Variants in ARHGAP23 observed in about 807,000 individuals in gnomAD.
The protein encoded by ARHGAP23 is Rho GTPase activating protein 23, also known as rho GTPase-activating protein 23.
A neutral mutation model predicts 136.3 loss-of-function variants in ARHGAP23; 34 were observed. That is an observed-to-expected ratio of 0.25 (90% CI 0.19 to 0.33). The LOEUF (loss-of-function observed/expected upper bound fraction) is 0.33, where lower values mean the gene tolerates loss of function less well. ARHGAP23 is among the 10% of genes least tolerant of loss of function. The pLI is 1.00. For missense variants in ARHGAP23, 1,808 were observed against 2,139.0 expected (o/e 0.85, Z 3.05); for synonymous variants, 832 against 920.5 (o/e 0.90, Z 1.74).
In ARHGAP23 at chr17:38,510,921, G is replaced by C. The variant is rs2040751087; in HGVS notation, c.4425G>C (p.Gln1475His). 3 of 1,484,190 alleles carry C rather than the reference G, an allele frequency of 2.0e-6. No individual in the cohort carries two copies. Among genetic ancestry groups the C allele is most frequent in the Non-Finnish European group, 2.7e-6 (3 of 1,127,504 alleles). The allele number at this position is 1,484,190 out of a possible 1,614,324, so 91.9% of individuals were successfully genotyped here. A position where few individuals can be genotyped will look rare whatever the true frequency, so the allele number is the denominator to read the frequency against. The change falls in exon 24 of 24, where the codon CAG becomes CAC. Residue 1475 changes from glutamine to histidine, a missense_variant. This residue lies in a region of ARHGAP23 where 506 missense variants were observed against 455.8 expected (regional missense o/e 1.11). Transcript: ENST00000622683. This position sits in a 1 kb window ranked among gnomAD's most constrained non-coding sequence, Gnocchi z 4.6. ...PPAPGDTGSL[Q>H]SQPPRRSAAS... ...CGCCCGGGGACACGGGGTCCCTGCA[G>C]AGCCAGCCCCCGCGCCGCTCGGCCG...
At chr17:38,454,742 G>T (rs1248886846) in intron 1 of ARHGAP23, among the ~76,000 whole-genome samples, 1 of 152,158 alleles carries the variant, frequency 6.6e-6, no homozygotes, top group Non-Finnish European at 1.5e-5. Context: ...GCCATGCCCG[G>T]CCTGAACACT....
chr17:38,479,625 G>A, intron 13 of ARHGAP23, 128 bp downstream of exon 13: 1 of 1,421,084 alleles, frequency 7.0e-7, no homozygotes, highest in Non-Finnish European at 9.6e-7. Context: ...GGGTCTCCAG[G>A]CTGCAGTTAG....
In ARHGAP23 at chr17:38,453,278, A is replaced by G. The variant is rs569989026; in HGVS notation, c.64-4824A>G. Among the ~76,000 whole-genome samples, 4 of 151,786 alleles carry G rather than the reference A, an allele frequency of 2.6e-5. No homozygotes were observed. The South Asian group carries it at 8.3e-4, about 32-fold the overall frequency. On this transcript the variant is annotated intron_variant, in intron 1 of 23. Transcript: ENST00000622683. ...TAGTGTGTTTCTGGGGTATGTCCAC[A>G]TAGGGTGAGTGTGTGTGGGCAGGTG...
intron 20 of ARHGAP23, among the ~76,000 whole-genome samples, chr17:38,494,030 G>A (rs1225317036): frequency 6.7e-6 from 1 of 148,340 alleles, no homozygotes; most frequent in East Asian, 2.1e-4. Context: ...TGTTCTGTGT[G>A]TTACAGGACA....
At chr17:38,444,401 T>TTG (rs1247758614) in intron 1 of ARHGAP23, among the ~76,000 whole-genome samples, 13 of 152,178 alleles carry the variant, frequency 8.5e-5, no homozygotes, top group South Asian at 2.1e-4. Context: ...GGGCACACCC[T>TTG]TGTGTGTATG....
At position 38,479,640 on chromosome 17, in the gene ARHGAP23, G is replaced by A; in HGVS notation, c.2499-113G>A. 5 of 1,415,448 alleles carry A rather than the reference G, an allele frequency of 3.5e-6. No individual in the cohort carries two copies. The South Asian group carries it at 4.1e-5, about 12-fold the overall frequency. The allele number at this position is 1,415,448 out of a possible 1,614,324, so 87.7% of individuals were successfully genotyped here. On this transcript the variant is annotated intron_variant, in intron 13 of 23. Coordinates refer to ENST00000622683, the MANE Select transcript of ARHGAP23 (RefSeq NM_001199417.2). ...GGGTCTCCAGGCTGCAGTTAGGCAT[G>A]GAGGCATTGCCTCAGGGTGGAGGGG... is the stretch of plus-strand genomic sequence containing the variant.
intron 1 of ARHGAP23, among the ~76,000 whole-genome samples, chr17:38,456,185 C>T (rs939797799): frequency 1.5e-4 from 23 of 152,180 alleles, no homozygotes; most frequent in African/African-American, 5.3e-4. Flanking sequence ...GTCTCTGTCA[C>T]ATTTTTCTTT....
chr17:38,422,188 A>G (rs2038526485), intron 1 of ARHGAP23, among the ~76,000 whole-genome samples: 1 of 152,202 alleles, frequency 6.6e-6, no homozygotes, highest in African/African-American at 2.4e-5. Context: ...GAGATCTTGG[A>G]CAAGCTACTT....
chr17:38,466,081 G>A lies in ARHGAP23; in HGVS notation c.484-86G>A, dbSNP rs1597794661. ...GGTCCTCTCCCTTCATTTCCCTCCT[G>A]GGCTCCTTGACCTCCTCGGGCTGCC... On this transcript the variant is annotated intron_variant, in intron 6 of 23. Coordinates refer to ENST00000622683, the MANE Select transcript of ARHGAP23 (RefSeq NM_001199417.2). 3 of 1,174,902 alleles carry A rather than the reference G, an allele frequency of 2.6e-6. No individual in the cohort carries two copies. In the East Asian group the frequency reaches 8.9e-5, roughly 35 times the overall value. The allele number at this position is 1,174,902 out of a possible 1,614,324, so 72.8% of individuals were successfully genotyped here. A position where few individuals can be genotyped will look rare whatever the true frequency, so the allele number is the denominator to read the frequency against.
chr17:38,492,631 A>G (rs2040302732), intron 20 of ARHGAP23, among the ~76,000 whole-genome samples: 1 of 152,192 alleles, frequency 6.6e-6, no homozygotes, highest in Non-Finnish European at 1.5e-5. Flanking sequence ...GGGCCAGGGT[A>G]AGGAGGCGAG....
intron 1 of ARHGAP23, among the ~76,000 whole-genome samples, chr17:38,437,644 G>A (rs2038827669): frequency 6.8e-6 from 1 of 146,944 alleles, no homozygotes; most frequent in African/African-American, 2.5e-5. Context: ...AAATATTAAA[G>A]CTGGGTCTTT....
intron 13 of ARHGAP23, 88 bp from the exon 14 acceptor site, chr17:38,479,665 G>C: frequency 7.0e-7 from 1 of 1,426,066 alleles, no homozygotes; most frequent in Non-Finnish European, 9.4e-7. Flanking sequence ...GGGTGGAGGG[G>C]AGGTCCCGAG....
chr17:38,442,133 T>C (rs2038935175), intron 1 of ARHGAP23, among the ~76,000 whole-genome samples: 1 of 152,164 alleles, frequency 6.6e-6, no homozygotes, highest in African/African-American at 2.4e-5. Flanking sequence ...TTTTTACTAT[T>C]ATTTTTGTGG....
chr17:38,497,854 A>C, intron 21 of ARHGAP23, 28 bp downstream of exon 21: 1 of 1,550,754 alleles, frequency 6.4e-7, no homozygotes, highest in Non-Finnish European at 8.7e-7. Flanking sequence ...CTGGGCTGGC[A>C]TGGGGGCTGG....
In ARHGAP23 at chr17:38,466,938, T is replaced by A; in HGVS notation, c.1255T>A (p.Tyr419Asn). 1.3e-6 allele frequency: 2 copies of A among 1,550,520 alleles called. No individual in the cohort carries two copies. The highest frequency in any genetic ancestry group is 1.7e-6 in the Non-Finnish European group (2 of 1,146,950). Residue 419 changes from tyrosine to asparagine, a missense_variant, in exon 7 of 24, where the codon TAC becomes AAC. By Grantham distance (143) the Tyr-to-Asn change is moderately radical. Transcript: ENST00000622683. The stretch of plus-strand genomic sequence containing the variant: ...CCTGGATGACCTCGGGTACATCGGC[T>A]ACCGGAGCTACAGCCCATCATTCCA... ...QGLDDLGYIG[Y>N]RSYSPSFQRR... is the part of the protein sequence containing the mutation.
Position 38,510,489 on chromosome 17 carries a change from G to A in ARHGAP23, c.3993G>A (p.Glu1331=). ...RRLARGRPDG[E]GAGRGGPRAP... Reference sequence around the variant, plus strand: ...TGGCCCGGGGCCGCCCAGACGGCGAGGGCGCGGGCCGGGGCGGTCCCCGCG... The same window carrying A: ...TGGCCCGGGGCCGCCCAGACGGCGAAGGCGCGGGCCGGGGCGGTCCCCGCG... The change falls in exon 24 of 24, where the codon GAG becomes GAA. Residue 1331 remains glutamate (E), a synonymous_variant. Transcript: ENST00000622683. This position sits in a 1 kb window ranked among gnomAD's most constrained non-coding sequence, Gnocchi z 4.6. 1 of 1,174,944 alleles carries A rather than the reference G, an allele frequency of 8.5e-7. No individual in the cohort carries two copies. The highest frequency in any genetic ancestry group is 3.8e-5 in the East Asian group (1 of 26,564). The allele number at this position is 1,174,944 out of a possible 1,614,324, so 72.8% of individuals were successfully genotyped here.
chr17:38,461,387 C>T (rs2039457456), intron 3 of ARHGAP23, among the ~76,000 whole-genome samples: 2 of 152,204 alleles, frequency 1.3e-5, no homozygotes, highest in South Asian at 4.1e-4. Flanking sequence ...AGGTCTTTCT[C>T]TCATATGATG....
At chr17:38,505,012 T>TTTTTTTTTTTA in intron 23 of ARHGAP23, among the ~76,000 whole-genome samples, 1 of 92,432 alleles carries the variant, frequency 1.1e-5, no homozygotes, top group Non-Finnish European at 2.1e-5. Context: ...TTTTTTTTTT[T>TTTTTTTTTTTA]TTTTTTTTTT....
At chr17:38,421,090 C>T (rs78285336) in intron 1 of ARHGAP23, among the ~76,000 whole-genome samples, 4,633 of 152,224 alleles carry the variant, frequency 0.03, 222 homozygotes, top group African/African-American at 0.1. Flanking sequence ...GGGGATCAGC[C>T]GCTTCCCCTT....
Sources: gnomAD v4.1 joint callset for allele counts (sites outside exome capture counted in the v4.1 genomes callset) on GRCh38, gnomAD v4.1.1 for gene constraint, gnomAD v4.1.1 regional missense constraint, Gnocchi (gnomAD v3.1) non-coding constraint, MANE v1.5 for transcripts, NCBI Gene and HGNC (gene_info 2026-07-23, HGNC 2026-07-21) for gene names.